Variants in PTPRN2 observed in about 807,000 individuals in gnomAD.
The protein encoded by PTPRN2 is receptor-type tyrosine-protein phosphatase N2.
Under a neutral mutation model 118.8 loss-of-function variants are expected in PTPRN2, and 74 were observed. The observed-to-expected ratio is 0.62, with a 90% CI of 0.52 to 0.76. The LOEUF (loss-of-function observed/expected upper bound fraction) is 0.76, where lower values mean the gene tolerates loss of function less well. Among genes scored for constraint, PTPRN2 ranks in the 30% least tolerant of loss-of-function variants. PTPRN2 has a pLI of 0.00. For synonymous variants in PTPRN2, 641 were observed against 608.0 expected (o/e 1.05, Z -0.80); for missense variants, 1,481 against 1,394.4 (o/e 1.06, Z -0.99).
chr7:158,477,967 G>C (rs1382217899), intron 2 of PTPRN2, among the ~76,000 whole-genome samples: 1 of 152,242 alleles, frequency 6.6e-6, no homozygotes, highest in Non-Finnish European at 1.5e-5. Flanking sequence ...AGGAAAGAGG[G>C]AGGCACCTGA....
chr7:158,370,511 G>A (rs1287620750), intron 2 of PTPRN2, among the ~76,000 whole-genome samples: 3 of 151,894 alleles, frequency 2.0e-5, no homozygotes, highest in Admixed American at 1.3e-4. Flanking sequence ...CCAGCACTTT[G>A]GGAGGCCGAG....
At position 157,621,586 on chromosome 7, in the gene PTPRN2, G is replaced by A. The variant is rs1026034576; in HGVS notation, c.2197-77C>T. ...GGCAGATGCACAAAAGGCAGCGGAGGCCTTTGCACTCGCCGCGTGGGCCAT... is the reference window on the plus strand; with the variant it reads ...GGCAGATGCACAAAAGGCAGCGGAGACCTTTGCACTCGCCGCGTGGGCCAT... On this transcript the variant is annotated intron_variant, in intron 14 of 22. Transcript: ENST00000389418. 5.1e-6 allele frequency: 8 copies of A among 1,571,964 alleles called. No individual in the cohort carries two copies. The African/African-American group carries it at 9.4e-5, about 19-fold the overall frequency.
intron 6 of PTPRN2, among the ~76,000 whole-genome samples, chr7:158,142,934 C>A (rs530658574): frequency 6.6e-6 from 1 of 152,310 alleles, no homozygotes; most frequent in South Asian, 2.1e-4. Flanking sequence ...TGCGTGTATA[C>A]CACAGCCCTC....
At chr7:157,689,357 G>A (rs546765098) in intron 12 of PTPRN2, among the ~76,000 whole-genome samples, 152 of 152,272 alleles carry the variant, frequency 1.0e-3, no homozygotes, top group Middle Eastern at 3.4e-3. Context: ...CGCGCAGCTC[G>A]GGGGGCGGGA....
chr7:158,322,726 G>A (rs925951830), intron 2 of PTPRN2, among the ~76,000 whole-genome samples: 2 of 152,268 alleles, frequency 1.3e-5, no homozygotes, highest in African/African-American at 4.8e-5. Context: ...ATTGTGCAGA[G>A]CCTGCGGGAA....
intron 5 of PTPRN2, among the ~76,000 whole-genome samples, chr7:158,167,825 C>T (rs1823169879): frequency 6.6e-6 from 1 of 152,262 alleles, no homozygotes; most frequent in African/African-American, 2.4e-5. Context: ...GATGCTGGGG[C>T]ATGGGCCAGG....
At chr7:158,295,015 G>A (rs1357130398) in intron 3 of PTPRN2, among the ~76,000 whole-genome samples, 4 of 136,124 alleles carry the variant, frequency 2.9e-5, no homozygotes, top group Admixed American at 1.5e-4. Context: ...CACCTTCCAC[G>A]CGCATGGTTC....
At chr7:158,126,014 G>A (rs1051391148) in intron 9 of PTPRN2, among the ~76,000 whole-genome samples, 24 of 139,904 alleles carry the variant, frequency 1.7e-4, no homozygotes, top group South Asian at 1.1e-3. Context: ...CACCAGCCCC[G>A]GAGAGCGGGC....
chr7:157,885,403 C>T (rs1032607000), intron 12 of PTPRN2, among the ~76,000 whole-genome samples: 2 of 152,168 alleles, frequency 1.3e-5, no homozygotes, highest in African/African-American at 4.8e-5. Flanking sequence ...CTCCAGGGCA[C>T]CTGATGCCCA....
rs1194531117 is a variant in PTPRN2 at position 157,729,309 on chromosome 7, T to C, written c.1789-46372A>G. Among the ~76,000 whole-genome samples, 4 of 152,092 alleles carry C rather than the reference T, an allele frequency of 2.6e-5. No individual in the cohort carries two copies. Among genetic ancestry groups the C allele is most frequent in the African/African-American group, 9.7e-5 (4 of 41,416 alleles). ...GAGGCAGGTGGGAACCCATGAGCTGTCTTGAGCACAGTGGCTGGAGTCTGT... is the reference window on the plus strand; with the variant it reads ...GAGGCAGGTGGGAACCCATGAGCTGCCTTGAGCACAGTGGCTGGAGTCTGT... On this transcript the variant is annotated intron_variant, in intron 12 of 22. Coordinates refer to ENST00000389418, the MANE Select transcript of PTPRN2 (RefSeq NM_002847.5). This position sits in a 1 kb window ranked among gnomAD's most constrained non-coding sequence, Gnocchi z 4.3.
At chr7:157,847,420 A>C (rs1427389855) in intron 12 of PTPRN2, among the ~76,000 whole-genome samples, 1 of 150,282 alleles carries the variant, frequency 6.7e-6, no homozygotes, top group Non-Finnish European at 1.5e-5. Context: ...GCCCTCTCTC[A>C]CTCCATCAGG....
chr7:157,956,668 C>T (rs1441563591), intron 11 of PTPRN2, among the ~76,000 whole-genome samples: 2 of 152,318 alleles, frequency 1.3e-5, no homozygotes, highest in Non-Finnish European at 2.9e-5. Context: ...CAGGGCTGCC[C>T]TCCTCCCTAG....
At chr7:158,460,008 C>T (rs1370315325) in intron 2 of PTPRN2, among the ~76,000 whole-genome samples, 2 of 53,652 alleles carry the variant, frequency 3.7e-5, no homozygotes, top group Non-Finnish European at 4.0e-5. Flanking sequence ...TATCTACATG[C>T]TCCTCCTAGA....
At chr7:158,569,532 T>G (rs1827855189) in intron 1 of PTPRN2, among the ~76,000 whole-genome samples, 1 of 152,196 alleles carries the variant, frequency 6.6e-6, no homozygotes, top group Non-Finnish European at 1.5e-5. Flanking sequence ...AGGGTCCTGC[T>G]CTCAGGGTCC....
chr7:158,024,723 G>GGTTA (rs1314638482), intron 11 of PTPRN2, among the ~76,000 whole-genome samples: 3 of 152,152 alleles, frequency 2.0e-5, no homozygotes, highest in Admixed American at 6.5e-5. Context: ...GAGCAGGAAG[G>GGTTA]GGGCCAAGGC....
rs1051429003 is a variant in PTPRN2, at chr7:157,780,045, A to G, written c.1789-97108T>C. ...ACACACTTATTGATGAACTGCTATG[A>G]GTTTTTGATGATGGCTTGGCTAGTT... On this transcript the variant is annotated intron_variant, in intron 12 of 22. Coordinates refer to ENST00000389418, the MANE Select transcript of PTPRN2 (RefSeq NM_002847.5). The surrounding 1 kb of genome is among the most constrained non-coding windows in gnomAD (Gnocchi z 4.5). 2.0e-5 allele frequency among the ~76,000 whole-genome samples: 3 copies of G among 152,180 alleles called. No homozygotes were observed. The highest frequency in any genetic ancestry group is 2.0e-4 in the Admixed American group (3 of 15,280).
intron 2 of PTPRN2, among the ~76,000 whole-genome samples, chr7:158,362,395 G>GAGAA (rs386411823): frequency 1.3e-5 from 2 of 151,960 alleles, no homozygotes; most frequent in African/African-American, 2.4e-5. Flanking sequence ...TTTACTCACA[G>GAGAA]AGAAGAAAAA....
At chr7:157,851,132 A>G (rs1291829944) in intron 12 of PTPRN2, among the ~76,000 whole-genome samples, 1 of 152,186 alleles carries the variant, frequency 6.6e-6, no homozygotes, top group Non-Finnish European at 1.5e-5. Context: ...TGCCTAATAA[A>G]TATCTGTGAT....
At chr7:157,767,359 A>G (rs2151019077) in intron 12 of PTPRN2, among the ~76,000 whole-genome samples, 1 of 152,306 alleles carries the variant, frequency 6.6e-6, no homozygotes, top group East Asian at 1.9e-4. Flanking sequence ...TGGTTTTACA[A>G]TGAGACTGAC....
Sources: gnomAD v4.1 joint callset for allele counts (sites outside exome capture counted in the v4.1 genomes callset) on GRCh38, gnomAD v4.1.1 for gene constraint, Gnocchi (gnomAD v3.1) non-coding constraint, MANE v1.5 for transcripts, NCBI Gene and HGNC (gene_info 2026-07-23, HGNC 2026-07-21) for gene names.